The following TTN variants were observed in gnomAD, a reference collection of about 807,000 sequenced individuals.
The protein encoded by TTN is connectin.
A neutral mutation model predicts 3,223.0 loss-of-function variants in TTN; 1,525 were observed. The observed-to-expected ratio is 0.47, with a 90% CI of 0.45 to 0.49. The LOEUF (loss-of-function observed/expected upper bound fraction) is 0.49. TTN is among the 20% of genes least tolerant of loss of function. TTN has a pLI of 0.00. For synonymous variants in TTN, 14,094 were observed against 15,161.0 expected, an observed-to-expected ratio of 0.93 and a Z score of 5.17; for missense variants, 40,786 against 43,424.0, an observed-to-expected ratio of 0.94 and a Z score of 5.40.
At position 178,553,747 on chromosome 2, in the gene TTN, A is replaced by T. The variant is rs369279892; in HGVS notation, c.89258T>A (p.Leu29753His). ...IADSTKSSIT[L>H]GWSKPVYDGG... ...ATCATAGACAGGCTTACTCCAGCCAAGGGTGATGGATGACTTGGTTGAATC... is the reference window on the plus strand; with the variant it reads ...ATCATAGACAGGCTTACTCCAGCCATGGGTGATGGATGACTTGGTTGAATC... The change falls in exon 334 of 363, where the codon CTT (leucine) becomes CAT (histidine). Residue 29753 changes from leucine to histidine, a missense_variant. By Grantham distance (99) the Leu-to-His change is moderately conservative (BLOSUM62 -3). Coordinates refer to ENST00000589042, the MANE Select transcript of TTN (RefSeq NM_001267550.2). The T allele has an allele frequency of 2.5e-6, 4 of 1,611,278 alleles. No individual in the cohort carries two copies. The African/African-American group carries it at 5.3e-5, about 22-fold the overall frequency.
chr2:178,554,612 C>T lies in TTN; in HGVS notation c.88735G>A (p.Val29579Ile), dbSNP rs879204059. ...YIVEKRETSR[V>I]VWSMVSEHLE... ...TGTTCAGACACCATAGACCACACAA[C>T]GCGGCTTGTCTCACGCTTTTCCACA... Residue 29579 changes from valine to isoleucine, a missense_variant, in exon 332 of 363, where the codon GTT becomes ATT. Val to Ile is a conservative substitution (Grantham distance 29). Transcript: ENST00000589042. 16 of 1,613,762 alleles carry T rather than the reference C, an allele frequency of 9.9e-6. No individual in the cohort carries two copies. Among genetic ancestry groups the T allele is most frequent in the African/African-American group, 1.3e-5 (1 of 74,908 alleles).
chr2:178,664,626 A>AC, intron 167 of TTN, 28 bp downstream of exon 167: 1 of 1,610,270 alleles, frequency 6.2e-7, no homozygotes, highest in Non-Finnish European at 8.5e-7. Context: ...ACATGTTCCC[A>AC]CCCCTCTAAG....
Position 178,681,387 on chromosome 2 carries a change from G to A in TTN, c.33236C>T (p.Pro11079Leu). Reference protein sequence around the residue: ...PVPIPKKLKPPPPKVPEEPKK... With the variant: ...PVPIPKKLKPLPPKVPEEPKK... ...ACTCAGTAATGTACCTTTGGGTGGT[G>A]GAGGTTTGAGTTTCTTAGGAATGGG... The change falls in exon 137 of 363, where the codon CCA becomes CTA. Residue 11079 changes from proline (P) to leucine (L), a missense_variant. Coordinates refer to ENST00000589042, the MANE Select transcript of TTN (RefSeq NM_001267550.2). 2 of 1,612,042 alleles carry A rather than the reference G, an allele frequency of 1.2e-6. No individual in the cohort carries two copies. The highest frequency in any genetic ancestry group is 1.7e-6 in the Non-Finnish European group (2 of 1,178,656).
chr2:178,767,743 A>G lies in TTN; in HGVS notation c.9471+16T>C. On this transcript the variant is annotated intron_variant, in intron 40 of 362. Transcript: ENST00000589042. ...CTACTGATGATTTTTCAAAACATTT[A>G]GTATGTAGACAATACCTGAACCTCC... 1 of 1,613,394 alleles carries G rather than the reference A, an allele frequency of 6.2e-7. No homozygotes were observed. Among genetic ancestry groups the G allele is most frequent in the Non-Finnish European group, 8.5e-7 (1 of 1,179,938 alleles).
chr2:178,729,535 A>C lies in TTN; in HGVS notation c.18621T>G (p.Pro6207=), dbSNP rs752324971. The change falls in exon 64 of 363, where the codon CCT becomes CCG. Residue 6207 remains proline (P), a synonymous_variant. Coordinates refer to ENST00000589042, the MANE Select transcript of TTN (RefSeq NM_001267550.2). ...CGTCACTATATTTTACTACCTCCAC[A>C]GGCTTCAGCTCTCTGATAAAGGTGG... is the stretch of plus-strand genomic sequence containing the variant. ...EPPTFIRELK[P]VEVVKYSDVE... is the part of the protein sequence containing the mutation. The C allele has an allele frequency of 5.6e-6, 9 of 1,613,202 alleles. No individual in the cohort carries two copies. In the East Asian group the frequency reaches 2.0e-4, roughly 36 times the overall value.
chr2:178,652,500 G>A lies in TTN; in HGVS notation c.39085C>T (p.Pro13029Ser). 1 of 1,613,614 alleles carries A rather than the reference G, an allele frequency of 6.2e-7. No individual in the cohort carries two copies. Among genetic ancestry groups the A allele is most frequent in the Non-Finnish European group, 8.5e-7 (1 of 1,179,646 alleles). Residue 13029 changes from proline to serine, a missense_variant, in exon 202 of 363, where the codon CCA (proline) becomes TCA (serine). By Grantham distance (74) the Pro-to-Ser change is moderately conservative (BLOSUM62 -1). Transcript: ENST00000589042. ...PKEVVPEKKV[P>S]AAPPKKPEVT... ...TCAGGCTTTTTAGGAGGAGCCGCTG[G>A]CACTTTCTTTTCAGGAACAACTTCT...
rs2093406700 is a variant in TTN at position 178,790,031 on chromosome 2, C to G, written c.1885G>C (p.Gly629Arg). The change falls in exon 12 of 363, where the codon GGT becomes CGT. Residue 629 changes from glycine (G) to arginine (R), a missense_variant. Coordinates refer to ENST00000589042, the MANE Select transcript of TTN (RefSeq NM_001267550.2). ...KVKEQDLVSRGREGITTKREQ... is the reference protein window; with the variant it reads ...KVKEQDLVSRRREGITTKREQ... Reference sequence around the variant, plus strand: ...CTTTTGGTAGTAATGCCTTCTCTACCTCTTGATACTAAATCTTGTTCTTTG... The same window carrying G: ...CTTTTGGTAGTAATGCCTTCTCTACGTCTTGATACTAAATCTTGTTCTTTG... 1 of 1,613,116 alleles carries G rather than the reference C, an allele frequency of 6.2e-7. No homozygotes were observed. Among genetic ancestry groups the G allele is most frequent in the South Asian group, 1.1e-5 (1 of 91,074 alleles).
Position 178,583,905 on chromosome 2 carries a change from A to G in TTN, c.65277T>C (p.Asp21759=), listed in dbSNP as rs2048331698. ...TEYVTARMPV[D]PPGKPEVIDV... ...CAATAACCTCAGGTTTCCCAGGAGG[A>G]TCTAAAACAAAAAGAGGTACACTCA... Residue 21759 remains aspartate (D), a splice_region_variant and synonymous_variant, in exon 312 of 363, where the codon GAT becomes GAC. Transcript: ENST00000589042. 1.3e-6 allele frequency: 2 copies of G among 1,557,376 alleles called. No homozygotes were observed. The highest frequency in any genetic ancestry group is 1.7e-6 in the Non-Finnish European group (2 of 1,148,186).
At position 178,593,275 on chromosome 2, in the gene TTN, G is replaced by T; in HGVS notation, c.58933C>A (p.Leu19645Ile). The change falls in exon 299 of 363, where the codon CTA becomes ATA. Residue 19645 changes from leucine (L) to isoleucine (I), a missense_variant. Transcript: ENST00000589042. ...PYTKFRVPDL[L>I]EGCQYEFRVS... The stretch of plus-strand genomic sequence containing the variant: ...CGGAATTCATACTGACATCCTTCTA[G>T]AAGATCAGGAACCCTAAATTTAGTG... The T allele has an allele frequency of 6.2e-7, 1 of 1,613,364 alleles. No homozygotes were observed. The highest frequency in any genetic ancestry group is 8.5e-7 in the Non-Finnish European group (1 of 1,179,576).
intron 154 of TTN, 61 bp downstream of exon 154, chr2:178,672,346 A>T (rs1407200556): frequency 1.1e-5 from 18 of 1,599,584 alleles, no homozygotes; most frequent in Non-Finnish European, 1.5e-5. Flanking sequence ...ATATATTTTT[A>T]AAACTGAATA....
At position 178,578,059 on chromosome 2, in the gene TTN, A is replaced by G. The variant is rs770698117; in HGVS notation, c.68456T>C (p.Met22819Thr). ...TEGLEYEFRV[M>T]AINLAGVGKP... The stretch of plus-strand genomic sequence containing the variant: ...GCCCACACCTGCTAAATTGATTGCC[A>G]TAACTCGGAATTCATATTCAAGACC... The change falls in exon 322 of 363, where the codon ATG (methionine) becomes ACG (threonine). Residue 22819 changes from methionine (M) to threonine (T), a missense_variant. Met to Thr is a moderately conservative substitution (Grantham distance 81). Coordinates refer to ENST00000589042, the MANE Select transcript of TTN (RefSeq NM_001267550.2). The G allele has an allele frequency of 1.1e-5, 17 of 1,613,136 alleles. No homozygotes were observed. Among genetic ancestry groups the G allele is most frequent in the East Asian group, 2.2e-5 (1 of 44,754 alleles).
Position 178,618,055 on chromosome 2 carries a change from T to A in TTN, c.47296A>T (p.Thr15766Ser), listed in dbSNP as rs878854312. ...YDVPGPPLNV[T>S]ITDVNRFGVS... ...CCAAATCGATTCACATCAGTGATGG[T>A]TACATTCAAAGGAGGGCCTGGAACA... The change falls in exon 253 of 363, where the codon ACC (threonine) becomes TCC (serine). Residue 15766 changes from threonine to serine, a missense_variant. Physicochemically the swap from Thr to Ser is moderately conservative, Grantham distance 58 (BLOSUM62 1). Coordinates refer to ENST00000589042, the MANE Select transcript of TTN (RefSeq NM_001267550.2). 2 of 1,612,198 alleles carry A rather than the reference T, an allele frequency of 1.2e-6. No individual in the cohort carries two copies. The highest frequency in any genetic ancestry group is 1.7e-6 in the Non-Finnish European group (2 of 1,179,070).
chr2:178,638,722 C>CG (rs1361710219), intron 223 of TTN, among the ~76,000 whole-genome samples: 1 of 151,854 alleles, frequency 6.6e-6, no homozygotes, highest in African/African-American at 2.4e-5. Flanking sequence ...CCACCACCAC[C>CG]GCCCCCGCTT....
Position 178,565,771 on chromosome 2 carries a change from A to G in TTN, c.80361T>C (p.Val26787=), listed in dbSNP as rs779153819. 5 of 1,613,490 alleles carry G rather than the reference A, an allele frequency of 3.1e-6. No homozygotes were observed. Among genetic ancestry groups the G allele is most frequent in the Non-Finnish European group, 4.2e-6 (5 of 1,179,644 alleles). The part of the protein sequence containing the change: ...AAEPPSPPGK[V]TLTDVSQTSA... ...TGGTCTGGGACACATCAGTGAGTGT[A>G]ACCTTTCCTGGTGGGGAAGGAGGTT... is the stretch of plus-strand genomic sequence containing the variant. Residue 26787 remains valine (V), a synonymous_variant, in exon 326 of 363, where the codon GTT becomes GTC. Transcript: ENST00000589042.
Position 178,552,708 on chromosome 2 carries a change from T to C in TTN, c.90192A>G (p.Glu30064=), listed in dbSNP as rs1439587633. ...PDFDGGSVIT[E]YVVERKGKGE... Reference sequence around the variant, plus strand: ...CTTTACCTTTCCTTTCTACAACATATTCTGTGATGACGCTACCACCATCAA... The same window carrying C: ...CTTTACCTTTCCTTTCTACAACATACTCTGTGATGACGCTACCACCATCAA... The change falls in exon 335 of 363, where the codon GAA becomes GAG. Residue 30064 remains glutamate (E), a synonymous_variant. Coordinates refer to ENST00000589042, the MANE Select transcript of TTN (RefSeq NM_001267550.2). 6.2e-7 allele frequency: 1 copy of C among 1,613,922 alleles called. No individual in the cohort carries two copies. The highest frequency in any genetic ancestry group is 1.1e-5 in the South Asian group (1 of 91,082).
rs750298764 is a variant in TTN, at chr2:178,618,221, G to C, written c.47237C>G (p.Thr15746Ser). The change falls in exon 252 of 363, where the codon ACT becomes AGT. Residue 15746 changes from threonine to serine, a missense_variant. Thr to Ser is a moderately conservative substitution (Grantham distance 58, BLOSUM62 1). Transcript: ENST00000589042. ...NRVGTGEPVETDNPVEARSKY... is the reference protein window; with the variant it reads ...NRVGTGEPVESDNPVEARSKY... Reference sequence around the variant, plus strand: ...ACTCCTTGCTTCTACAGGATTGTCAGTTTCTACTGGCTCACCAGTGCCAAC... The same window carrying C: ...ACTCCTTGCTTCTACAGGATTGTCACTTTCTACTGGCTCACCAGTGCCAAC... 1.2e-6 allele frequency: 2 copies of C among 1,612,612 alleles called. No individual in the cohort carries two copies. The highest frequency in any genetic ancestry group is 1.3e-5 in the African/African-American group (1 of 74,820).
intron 3 of TTN, among the ~76,000 whole-genome samples, chr2:178,801,934 A>C (rs919895555): frequency 6.6e-6 from 1 of 152,232 alleles, no homozygotes; most frequent in Non-Finnish European, 1.5e-5. Context: ...ACTGATTCTC[A>C]GTCACTTTTA....
In TTN at chr2:178,614,840, T is replaced by C. The variant is rs1576465376; in HGVS notation, c.48760+7A>G. 2 of 1,573,044 alleles carry C rather than the reference T, an allele frequency of 1.3e-6. No individual in the cohort carries two copies. Among genetic ancestry groups the C allele is most frequent in the South Asian group, 1.2e-5 (1 of 86,330 alleles). On this transcript the variant is annotated splice_region_variant and intron_variant, in intron 260 of 362. Coordinates refer to ENST00000589042, the MANE Select transcript of TTN (RefSeq NM_001267550.2). ...TATTTGATAAGACAAAAATCAAAAATAGATACCTTGTGTGTCCACAGCCTG... is the reference window on the plus strand; with the variant it reads ...TATTTGATAAGACAAAAATCAAAAACAGATACCTTGTGTGTCCACAGCCTG...
chr2:178,537,865 C>T lies in TTN; in HGVS notation c.99342G>A (p.Leu33114=). The part of the protein sequence containing the change: ...RKEMKDVTTK[L]GEAAQLSCQI... ...GGCATGAGAGTTGAGCAGCTTCACC[C>T]AATTTTGTGGTAACATCCTTCATTT... The change falls in exon 355 of 363, where the codon TTG becomes TTA. Residue 33114 remains leucine, a synonymous_variant. Transcript: ENST00000589042. 6.2e-7 allele frequency: 1 copy of T among 1,613,368 alleles called. No individual in the cohort carries two copies. The highest frequency in any genetic ancestry group is 2.2e-5 in the East Asian group (1 of 44,844).
Sources: gnomAD v4.1 joint callset for allele counts (sites outside exome capture counted in the v4.1 genomes callset) on GRCh38, gnomAD v4.1.1 for gene constraint, MANE v1.5 for transcripts, NCBI Gene and HGNC (gene_info 2026-07-23, HGNC 2026-07-21) for gene names.